Variants in CDH13 observed in about 807,000 individuals in gnomAD.
CDH13 encodes the protein cadherin-13.
CDH13 carries 24 observed loss-of-function variants against 63.8 expected under a neutral mutation model. The ratio of observed to expected loss-of-function variants is 0.38; its 90% CI spans 0.27 to 0.53. CDH13 has a LOEUF of 0.53. Ranked by LOEUF, CDH13 falls within the 20% of genes least tolerant of loss-of-function variation. CDH13 has a pLI of 0.85. For synonymous variants in CDH13, 503 were observed against 355.3 expected, an observed-to-expected ratio of 1.42 and a Z score of -4.67; for missense variants, 1,049 against 903.1, an observed-to-expected ratio of 1.16 and a Z score of -2.07.
intron 2 of CDH13, among the ~76,000 whole-genome samples, chr16:82,922,508 T>G (rs903608258): frequency 1.3e-5 from 2 of 152,210 alleles, no homozygotes; most frequent in Non-Finnish European, 2.9e-5. Flanking sequence ...CAATCAGATT[T>G]AGACCCTAAT....
chr16:83,777,407 T>C (rs1172543036), intron 11 of CDH13, among the ~76,000 whole-genome samples: 1 of 152,212 alleles, frequency 6.6e-6, no homozygotes, highest in African/African-American at 2.4e-5. Flanking sequence ...GGGTATGACC[T>C]GCAGCTGCGC....
chr16:82,778,570 G>GAAAAAAAA (rs11350020), intron 1 of CDH13, among the ~76,000 whole-genome samples: 2 of 85,784 alleles, frequency 2.3e-5, no homozygotes, highest in Non-Finnish European at 4.2e-5. Flanking sequence ...ATCACGACCA[G>GAAAAAAAA]AAAAAAAAAA....
At chr16:83,244,591 C>G (rs183832474) in intron 5 of CDH13, among the ~76,000 whole-genome samples, 5 of 152,166 alleles carry the variant, frequency 3.3e-5, no homozygotes, top group Admixed American at 3.3e-4. Context: ...TCATTGGTCC[C>G]CAACACCACC....
intron 2 of CDH13, among the ~76,000 whole-genome samples, chr16:82,876,532 A>G (rs1357015619): frequency 2.0e-5 from 3 of 152,250 alleles, no homozygotes; most frequent in African/African-American, 7.2e-5. Context: ...TTAAAAAAAT[A>G]GATGGAACAG....
chr16:83,163,326 T>C (rs2037527415), intron 4 of CDH13, among the ~76,000 whole-genome samples: 1 of 151,934 alleles, frequency 6.6e-6, no homozygotes. Context: ...CTACATAGGT[T>C]CTCTGCATTG....
chr16:83,373,888 A>C (rs977770082), intron 6 of CDH13, among the ~76,000 whole-genome samples: 3 of 152,174 alleles, frequency 2.0e-5, no homozygotes, highest in African/African-American at 7.2e-5. Flanking sequence ...GACCACCAGC[A>C]TGGGATACAT....
intron 1 of CDH13, among the ~76,000 whole-genome samples, chr16:82,704,733 A>G (rs1324799432): frequency 6.6e-6 from 1 of 152,216 alleles, no homozygotes; most frequent in South Asian, 2.1e-4. Flanking sequence ...CTGGCTTATT[A>G]GAATCTGCTT....
intron 1 of CDH13, among the ~76,000 whole-genome samples, chr16:82,700,520 AGT>A (rs5818398): frequency 0.43 from 65,283 of 150,710 alleles, 14,762 homozygotes; most frequent in East Asian, 0.52. Flanking sequence ...AGGGCTAGTA[AGT>A]GTGTGTGTGT....
chr16:82,885,933 A>C (rs1057512478), intron 2 of CDH13, among the ~76,000 whole-genome samples: 3 of 152,192 alleles, frequency 2.0e-5, no homozygotes, highest in Admixed American at 1.3e-4. Flanking sequence ...AGTAAATATT[A>C]GCTGTCTTTA....
At chr16:83,582,304 A>C (rs75953118) in intron 7 of CDH13, among the ~76,000 whole-genome samples, 3 of 152,000 alleles carry the variant, frequency 2.0e-5, no homozygotes. Flanking sequence ...CATCAGGCCC[A>C]TAAGACAATT....
intron 7 of CDH13, among the ~76,000 whole-genome samples, chr16:83,558,169 G>A (rs1468257411): frequency 1.3e-5 from 2 of 152,182 alleles, no homozygotes; most frequent in Non-Finnish European, 2.9e-5. Context: ...AGAGGGGCTA[G>A]AGTTTGAGAC....
At chr16:83,736,261 G>C (rs1428964308) in intron 10 of CDH13, among the ~76,000 whole-genome samples, 2 of 152,154 alleles carry the variant, frequency 1.3e-5, no homozygotes, top group Admixed American at 6.5e-5. Flanking sequence ...TTCAATCCCT[G>C]TTTTCACCTA....
chr16:83,162,761 C>G (rs1302363753), intron 4 of CDH13, among the ~76,000 whole-genome samples: 1 of 152,096 alleles, frequency 6.6e-6, no homozygotes, highest in Admixed American at 6.6e-5. Context: ...TGAGATTAGT[C>G]CAAAATCTGT....
At chr16:83,532,512 G>A (rs373152582) in intron 7 of CDH13, among the ~76,000 whole-genome samples, 29 of 152,270 alleles carry the variant, frequency 1.9e-4, no homozygotes, top group African/African-American at 4.8e-4. Flanking sequence ...AGCCACATGC[G>A]GGCTCTTTGC....
At chr16:83,395,076 A>C (rs28693760) in intron 6 of CDH13, among the ~76,000 whole-genome samples, 15,509 of 148,742 alleles carry the variant, frequency 0.1, 856 homozygotes, top group East Asian at 0.2. Flanking sequence ...TGAACCCAGG[A>C]GGCAGAGGTT....
At chr16:82,970,883 C>A (rs1178984779) in intron 2 of CDH13, among the ~76,000 whole-genome samples, 1 of 152,130 alleles carries the variant, frequency 6.6e-6, no homozygotes, top group Non-Finnish European at 1.5e-5. Context: ...CACTTTTTTA[C>A]CTTCCAATGC....
At chr16:82,887,611 A>G (rs895527508) in intron 2 of CDH13, among the ~76,000 whole-genome samples, 1 of 152,318 alleles carries the variant, frequency 6.6e-6, no homozygotes, top group Admixed American at 6.5e-5. Context: ...ACGTGAGGTC[A>G]GGAGTTCGAG....
rs539066809 is a variant in CDH13, at chr16:83,714,171, C to A, written c.1539-33937C>A. On this transcript the variant is annotated intron_variant, in intron 10 of 13. Transcript: ENST00000567109. The stretch of plus-strand genomic sequence containing the variant: ...GCCGCAGAAGCCACAACAATCCCAT[C>A]CACTGCAAATCACACGATAGTAAAT... Among the ~76,000 whole-genome samples the A allele has an allele frequency of 7.2e-5, 11 of 152,320 alleles. No homozygotes were observed. The East Asian group carries it at 2.1e-3, about 29-fold the overall frequency.
chr16:83,682,783 A>G (rs1242345771), intron 10 of CDH13, among the ~76,000 whole-genome samples: 1 of 152,076 alleles, frequency 6.6e-6, no homozygotes, highest in Non-Finnish European at 1.5e-5. Context: ...CTCATGTCAC[A>G]TTAGTCACCA....
Sources: gnomAD v4.1 joint callset for allele counts (sites outside exome capture counted in the v4.1 genomes callset) on GRCh38, gnomAD v4.1.1 for gene constraint, MANE v1.5 for transcripts, NCBI Gene and HGNC (gene_info 2026-07-23, HGNC 2026-07-21) for gene names.